LRP1B: variants seen among roughly 807,000 people sequenced by gnomAD.
LRP1B encodes the protein LDL receptor related protein 1B, also known as low-density lipoprotein receptor-related protein 1B.
A neutral mutation model predicts 556.6 loss-of-function variants in LRP1B; 217 were observed. That is an observed-to-expected ratio of 0.39 (90% confidence interval 0.35 to 0.44). LRP1B has a LOEUF of 0.44. Ranked by LOEUF, LRP1B falls within the 20% of genes least tolerant of loss-of-function variation. The probability of loss-of-function intolerance (pLI) is 1.00; values close to 1 mark genes in which losing one functional copy is unlikely to be tolerated. For missense variants in LRP1B, 5,053 were observed against 5,620.8 expected, an observed-to-expected ratio of 0.90 and a Z score of 3.23; for synonymous variants, 2,047 against 1,865.8, an observed-to-expected ratio of 1.10 and a Z score of -2.50.
intron 7 of LRP1B, among the ~76,000 whole-genome samples, chr2:141,112,955 T>G (rs149211652): frequency 6.6e-6 from 1 of 152,170 alleles, no homozygotes; most frequent in Middle Eastern, 3.2e-3. Flanking sequence ...AAGCCTGTGA[T>G]AAAATTATAG....
chr2:141,556,792 T>C (rs1358916239), intron 2 of LRP1B, among the ~76,000 whole-genome samples: 1 of 151,662 alleles, frequency 6.6e-6, no homozygotes, highest in African/African-American at 2.4e-5. Flanking sequence ...ATTGAACAGG[T>C]GTCAGGAAGT....
intron 35 of LRP1B, among the ~76,000 whole-genome samples, chr2:140,726,018 T>C (rs868542657): frequency 4.6e-5 from 7 of 152,302 alleles, no homozygotes; most frequent in Middle Eastern, 3.4e-3. Flanking sequence ...CTCAGAGAAT[T>C]AAAACTACTT....
rs2105115699 is a variant in LRP1B, at chr2:140,350,855, C to T, written c.11834G>A (p.Gly3945Glu). 1.9e-6 allele frequency: 3 copies of T among 1,610,662 alleles called. No homozygotes were observed. The highest frequency in any genetic ancestry group is 2.5e-6 in the Non-Finnish European group (3 of 1,178,048). ...GCCATGGATCCTTTTGTAGAAAATT[C>T]CGCCTGGATTAAACTGAGTACTCCA... ...IIWSTQFNPG[G>E]IFYKRIHGRE... is the part of the protein sequence containing the mutation. The change falls in exon 77 of 91, where the codon GGA becomes GAA. Residue 3945 changes from glycine (G) to glutamate (E), a missense_variant. Transcript: ENST00000389484.
chr2:141,376,354 T>C (rs1573874512), intron 3 of LRP1B, among the ~76,000 whole-genome samples: 1 of 152,292 alleles, frequency 6.6e-6, no homozygotes, highest in African/African-American at 2.4e-5. Context: ...TCTTACTGTT[T>C]CCCCACATCC....
intron 3 of LRP1B, among the ~76,000 whole-genome samples, chr2:141,417,758 A>T (rs375541276): frequency 1.7e-4 from 23 of 136,338 alleles, no homozygotes; most frequent in South Asian, 4.7e-4. Context: ...TGGTAGTTCT[A>T]TTTTTTTTTT....
intron 3 of LRP1B, among the ~76,000 whole-genome samples, chr2:141,257,394 C>T (rs1236691591): frequency 1.3e-5 from 2 of 152,114 alleles, no homozygotes; most frequent in African/African-American, 4.8e-5. Context: ...CCCTGGAGCC[C>T]AGCTGCACCT....
chr2:141,693,642 A>G (rs1196610828), intron 2 of LRP1B, among the ~76,000 whole-genome samples: 2 of 152,012 alleles, frequency 1.3e-5, no homozygotes, highest in African/African-American at 2.4e-5. Context: ...ACTGTGTGCA[A>G]ATTTTCAAGG....
chr2:140,953,055 A>G (rs1559214479), intron 18 of LRP1B, among the ~76,000 whole-genome samples: 1 of 152,120 alleles, frequency 6.6e-6, no homozygotes, highest in African/African-American at 2.4e-5. Flanking sequence ...AAACTGATAT[A>G]CTGAAATAGA....
At chr2:140,872,053 T>TG (rs1398970945) in intron 25 of LRP1B, among the ~76,000 whole-genome samples, 4 of 146,566 alleles carry the variant, frequency 2.7e-5, no homozygotes, top group Non-Finnish European at 6.0e-5. Flanking sequence ...TCCTTCATGT[T>TG]TTTTTTTTTT....
chr2:141,973,603 G>C (rs895882886), intron 1 of LRP1B, among the ~76,000 whole-genome samples: 1 of 151,764 alleles, frequency 6.6e-6, no homozygotes, highest in Non-Finnish European at 1.5e-5. Context: ...TGAAGACATT[G>C]ATGCTTCCTT....
At chr2:140,594,836 AT>A (rs1056559308) in intron 43 of LRP1B, among the ~76,000 whole-genome samples, 3 of 151,854 alleles carry the variant, frequency 2.0e-5, no homozygotes, top group Non-Finnish European at 4.4e-5. Context: ...TTGCTTCAGC[AT>A]TTTTTGACAT....
chr2:140,506,552 T>C (rs1243138426), intron 53 of LRP1B, among the ~76,000 whole-genome samples: 1 of 152,124 alleles, frequency 6.6e-6, no homozygotes, highest in Non-Finnish European at 1.5e-5. Context: ...CCCAAAGACA[T>C]TTTTATAAAC....
intron 2 of LRP1B, among the ~76,000 whole-genome samples, chr2:141,599,971 C>A (rs977997481): frequency 6.6e-6 from 1 of 152,120 alleles, no homozygotes; most frequent in African/African-American, 2.4e-5. Flanking sequence ...CACACCCACA[C>A]CTTTCACTGT....
chr2:141,311,572 G>A (rs1327791345), intron 3 of LRP1B, among the ~76,000 whole-genome samples: 2 of 152,256 alleles, frequency 1.3e-5, no homozygotes, highest in Admixed American at 6.5e-5. Context: ...CTGTCAGTAG[G>A]TGGGGTATTT....
chr2:141,733,162 G>A (rs1046812612), intron 2 of LRP1B, among the ~76,000 whole-genome samples: 2 of 152,034 alleles, frequency 1.3e-5, no homozygotes, highest in African/African-American at 4.8e-5. Flanking sequence ...TATTATTTTA[G>A]TTCCACTTAT....
chr2:141,333,822 T>G (rs1175775396), intron 3 of LRP1B, among the ~76,000 whole-genome samples: 1 of 152,170 alleles, frequency 6.6e-6, no homozygotes, highest in African/African-American at 2.4e-5. Flanking sequence ...CTAAGAGAAT[T>G]TTTTATGTAT....
chr2:141,669,117 G>T (rs1690564923), intron 2 of LRP1B, among the ~76,000 whole-genome samples: 1 of 150,978 alleles, frequency 6.6e-6, no homozygotes, highest in African/African-American at 2.4e-5. Context: ...GGAGATGGGG[G>T]CTTTGAAGAA....
chr2:141,815,510 G>A (rs1696511559), intron 1 of LRP1B, among the ~76,000 whole-genome samples: 1 of 151,904 alleles, frequency 6.6e-6, no homozygotes, highest in Non-Finnish European at 1.5e-5. Flanking sequence ...GCTAGCAAGG[G>A]ATTGTAAAAT....
intron 1 of LRP1B, among the ~76,000 whole-genome samples, chr2:141,974,357 A>G (rs1387388500): frequency 1.3e-5 from 2 of 151,996 alleles, no homozygotes; most frequent in Non-Finnish European, 2.9e-5. Context: ...TACTGTCCTC[A>G]ACTATGTTCA....
Sources: allele counts gnomAD v4.1 joint callset (sites outside exome capture counted in the v4.1 genomes callset), GRCh38; gene constraint gnomAD v4.1.1; transcripts MANE v1.5; gene names NCBI Gene and HGNC (gene_info 2026-07-23, HGNC 2026-07-21).